The following OCM variants were observed in gnomAD, a reference collection of about 807,000 sequenced individuals.
OCM encodes the protein oncomodulin, also known as oncomodulin-1.
In OCM, 18 loss-of-function variants were observed where a neutral mutation model predicts 14.1. The ratio of observed to expected loss-of-function variants is 1.28; its 90% CI spans 0.88 to 1.89. OCM has a LOEUF of 1.89. OCM is among the 40% of genes most tolerant of loss of function. OCM has a pLI of 0.00. For missense variants in OCM, 140 were observed against 137.6 expected (o/e 1.02, Z -0.09); for synonymous variants, 48 against 51.0 (o/e 0.94, Z 0.25).
the OCM span, among the ~76,000 whole-genome samples, chr7:5,866,151 G>A: frequency 0.44 from 66,180 of 149,950 alleles, 18,319 homozygotes; most frequent in African/African-American, 0.8. Flanking sequence ...CAAAACCCCA[G>A]TCTCTACAAA....
the OCM span, among the ~76,000 whole-genome samples, chr7:5,865,649 C>G: frequency 6.6e-6 from 1 of 152,064 alleles, no homozygotes; most frequent in South Asian, 2.1e-4. Context: ...AACTTTTGCA[C>G]CAACCTAATT....
chr7:5,860,047 A>G, the OCM span, among the ~76,000 whole-genome samples: 2 of 133,872 alleles, frequency 1.5e-5, no homozygotes, highest in African/African-American at 5.9e-5. Flanking sequence ...TGTCTGCCCA[A>G]TACAAGGAGA....
upstream of OCM, among the ~76,000 whole-genome samples, chr7:5,877,478 T>G (rs1324329163): frequency 6.6e-6 from 1 of 151,014 alleles, no homozygotes; most frequent in Non-Finnish European, 1.5e-5. Flanking sequence ...CAAATAAAAA[T>G]AAAAATGAAA....
the OCM span, among the ~76,000 whole-genome samples, chr7:5,860,525 C>T: frequency 2.4e-5 from 2 of 83,492 alleles, 1 homozygote; most frequent in Non-Finnish European, 4.7e-5. Context: ...TGTATATATA[C>T]GTGTGTATAT....
intron 1 of OCM, among the ~76,000 whole-genome samples, chr7:5,881,764 CAAAAG>C (rs1382217470): frequency 2.0e-5 from 3 of 152,000 alleles, no homozygotes; most frequent in African/African-American, 4.8e-5. Flanking sequence ...ATCTGTAAGA[CAAAAG>C]AAACCTACTA....
At chr7:5,865,295 C>G in the OCM span, among the ~76,000 whole-genome samples, 44 of 152,268 alleles carry the variant, frequency 2.9e-4, no homozygotes, top group Non-Finnish European at 5.0e-4. Context: ...TTGAGGATGC[C>G]GTCTAGAAAA....
At chr7:5,878,366 C>T (rs1029278261), upstream of OCM, among the ~76,000 whole-genome samples, 33 of 151,908 alleles carry the variant, frequency 2.2e-4, no homozygotes, top group African/African-American at 5.6e-4. Flanking sequence ...ACAGAGTTTC[C>T]GTTTTTCCAG....
At chr7:5,865,627 A>G in the OCM span, among the ~76,000 whole-genome samples, 1 of 152,226 alleles carries the variant, frequency 6.6e-6, no homozygotes, top group Non-Finnish European at 1.5e-5. Flanking sequence ...GCAATAATGC[A>G]AAAACCACAA....
chr7:5,865,446 C>G, the OCM span, among the ~76,000 whole-genome samples: 2 of 152,098 alleles, frequency 1.3e-5, no homozygotes. Context: ...GAAAGAGAAC[C>G]CCAACTCATT....
chr7:5,872,903 A>G, the OCM span, among the ~76,000 whole-genome samples: 5,897 of 151,864 alleles, frequency 0.039, 261 homozygotes, highest in African/African-American at 0.11. Flanking sequence ...TTAAAATGTG[A>G]AAAAAAATGG....
At chr7:5,881,659 G>A (rs1445642031) in intron 1 of OCM, among the ~76,000 whole-genome samples, 2 of 124,158 alleles carry the variant, frequency 1.6e-5, no homozygotes, top group African/African-American at 6.8e-5. Flanking sequence ...ATAAATAAGA[G>A]GTTGGCTGGA....
intron 2 of OCM, among the ~76,000 whole-genome samples, chr7:5,883,089 G>C (rs1234437981): frequency 6.6e-6 from 1 of 152,114 alleles, no homozygotes; most frequent in Non-Finnish European, 1.5e-5. Context: ...TGATCCTCCT[G>C]CCTTGGCCTC....
upstream of OCM, among the ~76,000 whole-genome samples, chr7:5,878,663 C>T (rs376399247): frequency 5.2e-4 from 79 of 151,272 alleles, 1 homozygote; most frequent in African/African-American, 1.7e-3. Flanking sequence ...AAGAGAATGG[C>T]GTGAACCCAG....
chr7:5,879,192 C>A (rs965282471), upstream of OCM, among the ~76,000 whole-genome samples: 1 of 152,122 alleles, frequency 6.6e-6, no homozygotes, highest in Non-Finnish European at 1.5e-5. Flanking sequence ...CAGAGCAAGA[C>A]CCTGTCACAA....
the OCM span, among the ~76,000 whole-genome samples, chr7:5,864,302 G>A: frequency 1.0e-4 from 15 of 149,714 alleles, no homozygotes; most frequent in East Asian, 2.6e-3. Flanking sequence ...AGCTGTGATC[G>A]CACCACTGCA....
chr7:5,879,458 C>G (rs373011240), upstream of OCM, among the ~76,000 whole-genome samples: 1 of 152,068 alleles, frequency 6.6e-6, no homozygotes, highest in Non-Finnish European at 1.5e-5. Context: ...TCTGTCAACT[C>G]CAGACTGAGG....
chr7:5,878,956 G>A (rs1467985627), upstream of OCM, among the ~76,000 whole-genome samples: 3 of 150,154 alleles, frequency 2.0e-5, no homozygotes, highest in Non-Finnish European at 4.4e-5. Flanking sequence ...TGAGGTGGGA[G>A]AATTACTTGA....
At chr7:5,869,657 T>A in the OCM span, among the ~76,000 whole-genome samples, 1 of 152,096 alleles carries the variant, frequency 6.6e-6, no homozygotes, top group Admixed American at 6.6e-5. Context: ...CCCTATGATC[T>A]CATTCCCACC....
chr7:5,862,060 C>G, the OCM span, among the ~76,000 whole-genome samples: 13 of 152,244 alleles, frequency 8.5e-5, no homozygotes, highest in East Asian at 2.1e-3. Context: ...CCCCTGGGCC[C>G]TCACAGTGGC....
Sources: allele counts gnomAD v4.1 joint callset (sites outside exome capture counted in the v4.1 genomes callset), GRCh38; gene constraint gnomAD v4.1.1; transcripts MANE v1.5; gene names NCBI Gene and HGNC (gene_info 2026-07-23, HGNC 2026-07-21).